The following HFM1 variants were observed in gnomAD, a reference collection of about 807,000 sequenced individuals.
The protein encoded by HFM1 is probable ATP-dependent DNA helicase HFM1.
In HFM1, 169 loss-of-function variants were observed where a neutral mutation model predicts 192.1. The ratio of observed to expected loss-of-function variants is 0.88; its 90% confidence interval spans 0.78 to 1.00. HFM1 has a LOEUF of 1.00. HFM1 is among the 50% of genes least tolerant of loss of function. The pLI, the probability that HFM1 is intolerant of heterozygous loss-of-function variation, is 0.00. For synonymous variants in HFM1, 525 were observed against 537.8 expected, an observed-to-expected ratio of 0.98 and a Z score of 0.33; for missense variants, 1,661 against 1,668.0, an observed-to-expected ratio of 1.00 and a Z score of 0.07.
chr1:91,287,825 G>A (rs1668197979), intron 30 of HFM1, among the ~76,000 whole-genome samples: 1 of 152,056 alleles, frequency 6.6e-6, no homozygotes, highest in Admixed American at 6.5e-5. Context: ...TAAAGGAGCT[G>A]ATGGAGCTGA....
chr1:91,372,435 T>C (rs1242372732), intron 13 of HFM1, among the ~76,000 whole-genome samples: 1 of 152,182 alleles, frequency 6.6e-6, no homozygotes, highest in Admixed American at 6.5e-5. Flanking sequence ...ATGTCCTTTG[T>C]AGGGACATGG....
At chr1:91,398,167 T>A (rs1008321164) in intron 2 of HFM1, among the ~76,000 whole-genome samples, 1 of 152,184 alleles carries the variant, frequency 6.6e-6, no homozygotes, top group African/African-American at 2.4e-5. Flanking sequence ...TTAACTCTTT[T>A]CTACACAAGG....
At chr1:91,322,739 C>G (rs1305219381) in intron 23 of HFM1, among the ~76,000 whole-genome samples, 5 of 152,272 alleles carry the variant, frequency 3.3e-5, no homozygotes, top group Non-Finnish European at 7.4e-5. Flanking sequence ...CAACCGTCCA[C>G]CTTGCCTCAA....
chr1:91,286,988 C>T (rs964261958), intron 30 of HFM1, among the ~76,000 whole-genome samples: 82 of 152,124 alleles, frequency 5.4e-4, no homozygotes, highest in Admixed American at 2.6e-3. Flanking sequence ...GATTATATCC[C>T]GCACCTGGCT....
intron 13 of HFM1, among the ~76,000 whole-genome samples, chr1:91,356,446 T>G (rs950171734): frequency 2.6e-5 from 4 of 152,102 alleles, no homozygotes; most frequent in Admixed American, 2.6e-4. Context: ...TTTCCCCATG[T>G]TGGTCAGGCT....
intron 30 of HFM1, among the ~76,000 whole-genome samples, chr1:91,303,381 T>C (rs573483808): frequency 1.3e-5 from 2 of 152,360 alleles, no homozygotes; most frequent in African/African-American, 2.4e-5. Context: ...TTCCATTGTA[T>C]GGATATACCA....
At chr1:91,371,870 T>C (rs1372533371) in intron 13 of HFM1, among the ~76,000 whole-genome samples, 2 of 151,934 alleles carry the variant, frequency 1.3e-5, no homozygotes, top group Non-Finnish European at 2.9e-5. Context: ...GAATCTACAA[T>C]GAACTCAAAC....
chr1:91,267,882 G>A (rs1369370811), intron 34 of HFM1, 27 bp from the exon 35 acceptor site: 1 of 1,197,202 alleles, frequency 8.4e-7, no homozygotes, highest in Admixed American at 2.1e-5. Context: ...GCTTTTATCT[G>A]CATCTGTCAA....
At chr1:91,286,602 T>G (rs1342502589) in intron 30 of HFM1, among the ~76,000 whole-genome samples, 1 of 152,206 alleles carries the variant, frequency 6.6e-6, no homozygotes, top group Non-Finnish European at 1.5e-5. Flanking sequence ...CCACCTTAAC[T>G]TGATTATATC....
At chr1:91,385,117 AT>A (rs1319395530) in intron 6 of HFM1, 69 bp downstream of exon 6, 2 of 955,224 alleles carry the variant, frequency 2.1e-6, no homozygotes, top group African/African-American at 3.4e-5. Flanking sequence ...AACAAACACA[AT>A]TAAACAAATG....
chr1:91,299,175 A>T (rs1648234663), intron 30 of HFM1, among the ~76,000 whole-genome samples: 1 of 152,340 alleles, frequency 6.6e-6, no homozygotes, highest in East Asian at 1.9e-4. Flanking sequence ...ACCAACAAAG[A>T]TCAAAAGACA....
Position 91,267,797 on chromosome 1 carries a change from T to C in HFM1, c.3831A>G (p.Glu1277=). 1 of 1,581,994 alleles carries C rather than the reference T, an allele frequency of 6.3e-7. No individual in the cohort carries two copies. The highest frequency in any genetic ancestry group is 1.4e-5 in the African/African-American group (1 of 72,800). ...GNEVWDDFDD[E]NLEVTSFSTD... ...TTGAAAAGCTAGTAACTTCTAAGTT[T>C]TCATCATCAAAATCATCCCAAACTT... is the stretch of plus-strand genomic sequence containing the variant. The change falls in exon 35 of 39, where the codon GAA becomes GAG. Residue 1277 remains glutamate (E), a synonymous_variant. Transcript: ENST00000370425.
intron 36 of HFM1, among the ~76,000 whole-genome samples, chr1:91,265,665 G>A (rs1299017696): frequency 6.6e-6 from 1 of 152,168 alleles, no homozygotes; most frequent in Admixed American, 6.6e-5. Context: ...CTTTAGAGAT[G>A]CTTTCTTATA....
At chr1:91,356,397 CCA>C (rs1657743694) in intron 13 of HFM1, among the ~76,000 whole-genome samples, 1 of 151,966 alleles carries the variant, frequency 6.6e-6, no homozygotes, top group African/African-American at 2.4e-5. Context: ...GCATGTACCA[CCA>C]CGCCTGGCTA....
At chr1:91,271,613 G>A (rs945777104) in intron 34 of HFM1, among the ~76,000 whole-genome samples, 6 of 152,152 alleles carry the variant, frequency 3.9e-5, no homozygotes, top group African/African-American at 1.4e-4. Context: ...AAGCAGGATT[G>A]GATAGAATTA....
rs374157088 is a variant in HFM1 at position 91,263,890 on chromosome 1, T to C, written c.3975-1298A>G. 5.5e-4 allele frequency among the ~76,000 whole-genome samples: 84 copies of C among 152,200 alleles called. 4 individuals are homozygous for C. The South Asian group carries it at 0.017, about 31-fold the overall frequency. On this transcript the variant is annotated intron_variant, in intron 36 of 38. Transcript: ENST00000370425. ...GGTCCCTTCTAAACTCTTCCAAAAG[T>C]ATTTGTTGTTTTTTAAAGGTGTGGT...
intron 30 of HFM1, among the ~76,000 whole-genome samples, chr1:91,292,862 T>C (rs1341808593): frequency 3.3e-5 from 5 of 151,954 alleles, no homozygotes; most frequent in South Asian, 2.1e-4. Flanking sequence ...GAGATATAGA[T>C]CAATGGAACA....
At chr1:91,379,254 A>G in intron 8 of HFM1, 40 bp from the exon 9 acceptor site, 1 of 1,523,348 alleles carries the variant, frequency 6.6e-7, no homozygotes, top group Non-Finnish European at 8.9e-7. Flanking sequence ...CATCAGTTCA[A>G]TTTTAAAATT....
intron 20 of HFM1, chr1:91,329,426 C>G: frequency 7.0e-6 from 11 of 1,571,784 alleles, no homozygotes; most frequent in South Asian, 1.2e-5. Context: ...CTGGCTCACT[C>G]TCTTCAGCTA....
Sources: gnomAD v4.1 joint callset for allele counts (sites outside exome capture counted in the v4.1 genomes callset) on GRCh38, gnomAD v4.1.1 for gene constraint, MANE v1.5 for transcripts, NCBI Gene and HGNC (gene_info 2026-07-23, HGNC 2026-07-21) for gene names.